BACE2: variants seen among roughly 807,000 people sequenced by gnomAD.
BACE2 encodes 56 kDa aspartic-like protease.
Under a neutral mutation model 46.2 loss-of-function variants are expected in BACE2, and 17 were observed. That is an observed-to-expected ratio of 0.37 (90% confidence interval 0.25 to 0.55). The LOEUF (loss-of-function observed/expected upper bound fraction) is 0.55, where lower values mean the gene tolerates loss of function less well. BACE2 is among the 20% of genes least tolerant of loss of function. BACE2 has a pLI of 0.82. For missense variants in BACE2, 595 were observed against 698.1 expected, an observed-to-expected ratio of 0.85 and a Z score of 1.66; for synonymous variants, 277 against 295.9, an observed-to-expected ratio of 0.94 and a Z score of 0.66.
At chr21:41,190,335 C>T (rs1304443484) in intron 1 of BACE2, among the ~76,000 whole-genome samples, 2 of 152,140 alleles carry the variant, frequency 1.3e-5, no homozygotes, top group African/African-American at 4.8e-5. Flanking sequence ...CAGTCTCCAA[C>T]CCAAATACTA....
At chr21:41,239,219 A>G (rs1412881067) in intron 3 of BACE2, among the ~76,000 whole-genome samples, 1 of 152,170 alleles carries the variant, frequency 6.6e-6, no homozygotes, top group African/African-American at 2.4e-5. Flanking sequence ...GGAAGTTTAC[A>G]GCCCTTGGCC....
chr21:41,228,427 TAAAGA>T (rs1986881796), intron 2 of BACE2, among the ~76,000 whole-genome samples: 1 of 152,176 alleles, frequency 6.6e-6, no homozygotes, highest in South Asian at 2.1e-4. Context: ...GGGGAGTTTA[TAAAGA>T]AAAGAGGTTT....
intron 1 of BACE2, among the ~76,000 whole-genome samples, chr21:41,222,041 C>T (rs530253413): frequency 9.2e-5 from 14 of 152,226 alleles, no homozygotes; most frequent in East Asian, 3.9e-4. Flanking sequence ...TACAAGAATG[C>T]GCTCGGAGTC....
rs371703688 is a variant in BACE2 at position 41,187,891 on chromosome 21, A to T, written c.312+19316A>T. On this transcript the variant is annotated intron_variant, in intron 1 of 8. Transcript: ENST00000330333. ...TCCTGACCCACTACCACTTCCATGT[A>T]ATCCATCAGGAAGTTTACCAAAGTA... Among the ~76,000 whole-genome samples the T allele has an allele frequency of 2.9e-4, 44 of 152,326 alleles. 1 individual carries two copies. The East Asian group carries it at 5.8e-3, about 20-fold the overall frequency.
intron 8 of BACE2, among the ~76,000 whole-genome samples, chr21:41,266,089 A>G (rs1429746610): frequency 6.6e-6 from 1 of 152,160 alleles, no homozygotes; most frequent in African/African-American, 2.4e-5. Context: ...TTTCTGTACT[A>G]TTCCATTGAT....
intron 2 of BACE2, among the ~76,000 whole-genome samples, chr21:41,236,431 G>A (rs750547978): frequency 6.6e-6 from 1 of 152,160 alleles, no homozygotes; most frequent in Non-Finnish European, 1.5e-5. Context: ...CCTCACTGCA[G>A]CATAAACTGA....
intron 2 of BACE2, among the ~76,000 whole-genome samples, chr21:41,229,922 A>C (rs535054794): frequency 6.6e-6 from 1 of 152,346 alleles, no homozygotes; most frequent in South Asian, 2.1e-4. Context: ...CATTCTGACC[A>C]CTCAAGGTTC....
intron 1 of BACE2, chr21:41,176,788 T>G (rs1984862501): frequency 6.6e-6 from 1 of 152,188 alleles, no homozygotes; most frequent in Non-Finnish European, 1.5e-5. Context: ...ATTTCCAGTC[T>G]ATCACAGGGC....
chr21:41,214,935 G>A (rs1012693492), intron 1 of BACE2, among the ~76,000 whole-genome samples: 2 of 152,096 alleles, frequency 1.3e-5, no homozygotes, highest in African/African-American at 4.8e-5. Context: ...GGTATGGGGG[G>A]AGGGCAGAGA....
At chr21:41,241,981 TCA>T (rs781182496) in intron 4 of BACE2, 34 bp downstream of exon 4, 6 of 1,610,390 alleles carry the variant, frequency 3.7e-6, no homozygotes, top group Non-Finnish European at 5.1e-6. Flanking sequence ...GGGCGAAAAA[TCA>T]CAGATGGATG....
At chr21:41,184,366 A>C (rs545146920) in intron 1 of BACE2, 1 of 167,196 alleles carries the variant, frequency 6.0e-6, no homozygotes, top group Non-Finnish European at 1.5e-5. Flanking sequence ...CAAGCGGATG[A>C]CAATATTTGT....
chr21:41,226,414 C>A, intron 2 of BACE2, 60 bp downstream of exon 2: 1 of 1,423,074 alleles, frequency 7.0e-7, no homozygotes, highest in Non-Finnish European at 9.8e-7. Flanking sequence ...CAACATGCTT[C>A]AAAATGCACC....
intron 1 of BACE2, chr21:41,176,558 G>C (rs972955451): frequency 3.3e-5 from 5 of 152,150 alleles, no homozygotes; most frequent in African/African-American, 1.2e-4. Context: ...TCTGCTCGGC[G>C]GTTTCCTGTG....
chr21:41,198,196 G>A (rs998586268), intron 1 of BACE2, among the ~76,000 whole-genome samples: 5 of 152,072 alleles, frequency 3.3e-5, no homozygotes. Flanking sequence ...TTGTCATGTT[G>A]GCCAGGCTGG....
chr21:41,257,371 T>C, intron 8 of BACE2, 45 bp downstream of exon 8: 1 of 1,600,552 alleles, frequency 6.2e-7, no homozygotes, highest in Non-Finnish European at 8.5e-7. Context: ...CAAGAGTCCT[T>C]TATGTAAATG....
chr21:41,246,222 T>G (rs1987468883), intron 6 of BACE2, 159 bp downstream of exon 6: 1 of 391,990 alleles, frequency 2.6e-6, no homozygotes, highest in African/African-American at 2.1e-5. Flanking sequence ...AGTATAGGTG[T>G]AATATGTAAA....
intron 2 of BACE2, among the ~76,000 whole-genome samples, chr21:41,233,697 ACG>A (rs1250827482): frequency 6.6e-6 from 1 of 152,182 alleles, no homozygotes; most frequent in African/African-American, 2.4e-5. Flanking sequence ...AAGGTGGCTC[ACG>A]CCTGTAATCC....
At position 41,241,800 on chromosome 21, in the gene BACE2, C is replaced by G. The variant is rs1987298947; in HGVS notation, c.619-19C>G. 1.9e-6 allele frequency: 3 copies of G among 1,613,738 alleles called. No individual in the cohort carries two copies. Among genetic ancestry groups the G allele is most frequent in the Non-Finnish European group, 2.5e-6 (3 of 1,179,926 alleles). ...CTGTGAGTCCTAAGCGGGTGCCCCT[C>G]TCTGTCGCCCTCCCGCAGCCATCAA... is the stretch of plus-strand genomic sequence containing the variant. On this transcript the variant is annotated intron_variant, in intron 3 of 8. Transcript: ENST00000330333.
chr21:41,226,499 G>T, intron 2 of BACE2, 145 bp downstream of exon 2: 1 of 668,956 alleles, frequency 1.5e-6, no homozygotes, highest in African/African-American at 1.8e-5. Flanking sequence ...CACACATGTG[G>T]ACATGTGTAT....
Sources: allele counts gnomAD v4.1 joint callset (sites outside exome capture counted in the v4.1 genomes callset), GRCh38; gene constraint gnomAD v4.1.1; transcripts MANE v1.5; gene names NCBI Gene and HGNC (gene_info 2026-07-23, HGNC 2026-07-21).